The following TOX variants were observed in gnomAD, a reference collection of about 807,000 sequenced individuals.
The protein encoded by TOX is thymocyte selection associated high mobility group box.
TOX carries 11 observed loss-of-function variants against 53.7 expected under a neutral mutation model. That is an observed-to-expected ratio of 0.20 (90% CI 0.13 to 0.34). TOX has a LOEUF of 0.34. Ranked by LOEUF, TOX falls within the 10% of genes least tolerant of loss-of-function variation. The pLI is 1.00. For missense variants in TOX, 570 were observed against 664.6 expected, an observed-to-expected ratio of 0.86 and a Z score of 1.56; for synonymous variants, 225 against 245.3, an observed-to-expected ratio of 0.92 and a Z score of 0.77.
intron 1 of TOX, among the ~76,000 whole-genome samples, chr8:58,974,438 G>A (rs1028589692): frequency 1.3e-4 from 20 of 152,118 alleles, no homozygotes; most frequent in African/African-American, 7.2e-5. Context: ...TTCTAAATCC[G>A]GCAATAAGTC....
intron 1 of TOX, among the ~76,000 whole-genome samples, chr8:59,041,695 T>C (rs1269383436): frequency 6.6e-6 from 1 of 152,210 alleles, no homozygotes; most frequent in African/African-American, 2.4e-5. Context: ...TCAGAATATC[T>C]GACATATGGT....
In TOX at chr8:58,807,660, A is replaced by G; in HGVS notation, c.*87T>C. On this transcript the variant is annotated 3_prime_UTR_variant, in exon 9 of 9. Transcript: ENST00000361421. Reference sequence around the variant, plus strand: ...TTAGCAACTTGTATTTTCTAATAAAATGGAGAACTGCCTTGACTGTACAAA... The same window carrying G: ...TTAGCAACTTGTATTTTCTAATAAAGTGGAGAACTGCCTTGACTGTACAAA... The G allele has an allele frequency of 6.6e-7, 1 of 1,505,048 alleles. No individual in the cohort carries two copies. The highest frequency in any genetic ancestry group is 9.2e-7 in the Non-Finnish European group (1 of 1,087,898). The allele number at this position is 1,505,048 out of a possible 1,614,324, so 93.2% of individuals were successfully genotyped here.
rs560478337 is a variant in TOX at position 58,851,158 on chromosome 8, G to GTCTCTCTCTCTCTCTCTCTCTC, written c.693+344_693+365dup. ...CACCATACATCTCCTCTCTCTCTCT[G>GTCTCTCTCTCTCTCTCTCTCTC]TCTCTCTCTCTCTCTCTCTCTCTCT... is the stretch of plus-strand genomic sequence containing the variant. On this transcript the variant is annotated intron_variant, in intron 4 of 8. Transcript: ENST00000361421. The surrounding 1 kb of genome is among the most constrained non-coding windows in gnomAD (Gnocchi z 4.4). Among the ~76,000 whole-genome samples, 1 of 118,214 alleles carries GTCTCTCTCTCTCTCTCTCTCTC rather than the reference G, an allele frequency of 8.5e-6. No homozygotes were observed. Among genetic ancestry groups the GTCTCTCTCTCTCTCTCTCTCTC allele is most frequent in the South Asian group, 2.9e-4 (1 of 3,480 alleles). 77.6% of individuals were successfully genotyped at this position (118,214 alleles called of 152,430 possible).
intron 1 of TOX, among the ~76,000 whole-genome samples, chr8:59,058,519 C>T (rs915352503): frequency 6.6e-6 from 1 of 152,160 alleles, no homozygotes; most frequent in African/African-American, 2.4e-5. Flanking sequence ...CTGTCTTTTT[C>T]TCTTTGGAGA....
intron 2 of TOX, among the ~76,000 whole-genome samples, chr8:58,946,411 C>T (rs1812522570): frequency 6.6e-6 from 1 of 152,092 alleles, no homozygotes; most frequent in South Asian, 2.1e-4. Context: ...AAGTATTTTT[C>T]AGATTCTTTT....
At chr8:58,890,832 G>T (rs763411281) in intron 3 of TOX, among the ~76,000 whole-genome samples, 3 of 152,112 alleles carry the variant, frequency 2.0e-5, no homozygotes, top group Admixed American at 6.5e-5. Context: ...CCTAAATAGG[G>T]TGATGGAAAC....
intron 3 of TOX, among the ~76,000 whole-genome samples, chr8:58,935,365 A>G (rs1377443691): frequency 6.6e-6 from 1 of 152,198 alleles, no homozygotes; most frequent in Non-Finnish European, 1.5e-5. Context: ...TAATACAAAG[A>G]TACAATCACA....
intron 3 of TOX, among the ~76,000 whole-genome samples, chr8:58,926,475 A>C (rs1812162022): frequency 6.6e-6 from 1 of 152,124 alleles, no homozygotes; most frequent in African/African-American, 2.4e-5. Flanking sequence ...ACTCTATGTT[A>C]ATTTCTTTGG....
chr8:58,817,220 CCT>C (rs1163695178), intron 6 of TOX, among the ~76,000 whole-genome samples: 6 of 152,006 alleles, frequency 3.9e-5, no homozygotes, highest in Non-Finnish European at 8.8e-5. Flanking sequence ...GACATTTTCC[CCT>C]GTGTCACACT....
intron 3 of TOX, among the ~76,000 whole-genome samples, chr8:58,889,311 T>G (rs1322692564): frequency 2.0e-5 from 3 of 148,002 alleles, no homozygotes; most frequent in African/African-American, 7.5e-5. Context: ...AATGGAACAC[T>G]AGGCAATGAT....
chr8:58,980,680 C>T lies in TOX; in HGVS notation c.103-20672G>A, dbSNP rs118023309. ...GAAAAAAACCAAGGCAATGTGGTCCCTGCCCTCTAAGGTCTTAGAACTGCT... is the reference window on the plus strand; with the variant it reads ...GAAAAAAACCAAGGCAATGTGGTCCTTGCCCTCTAAGGTCTTAGAACTGCT... On this transcript the variant is annotated intron_variant, in intron 1 of 8. Transcript: ENST00000361421. Among the ~76,000 whole-genome samples, 678 of 152,346 alleles carry T rather than the reference C, an allele frequency of 4.5e-3. 11 individuals carry two copies. Among genetic ancestry groups the T allele is most frequent in the Admixed American group, 0.023 (356 of 15,298 alleles).
intron 1 of TOX, among the ~76,000 whole-genome samples, chr8:59,082,793 C>T (rs1438448250): frequency 6.6e-6 from 1 of 152,076 alleles, no homozygotes; most frequent in African/African-American, 2.4e-5. Flanking sequence ...TTTAATATAT[C>T]CTCATTTGCG....
Position 58,939,533 on chromosome 8 carries a change from A to G in TOX, c.180T>C (p.Gly60=). 6.2e-7 allele frequency: 1 copy of G among 1,613,800 alleles called. No homozygotes were observed. Among genetic ancestry groups the G allele is most frequent in the Non-Finnish European group, 8.5e-7 (1 of 1,179,794 alleles). ...DYVPASQSYP[G]PSLESEDFNI... is the part of the protein sequence containing the mutation. ...TGAAGTCTTCACTTTCCAGGCTTGG[A>G]CCAGGGTAGGACTGTGAAAAGACAA... The change falls in exon 3 of 9, where the codon GGT becomes GGC. Residue 60 remains glycine, a synonymous_variant. Coordinates refer to ENST00000361421, the MANE Select transcript of TOX (RefSeq NM_014729.3).
intron 5 of TOX, among the ~76,000 whole-genome samples, chr8:58,833,753 C>T (rs911718812): frequency 1.3e-5 from 2 of 152,172 alleles, no homozygotes; most frequent in African/African-American, 4.8e-5. Context: ...TTAAAACCCC[C>T]GGTTGGAATC....
intron 5 of TOX, among the ~76,000 whole-genome samples, chr8:58,835,620 A>G (rs544549603): frequency 6.6e-6 from 1 of 152,354 alleles, no homozygotes; most frequent in Admixed American, 6.5e-5. Context: ...GATTTTCATC[A>G]TAAGAACATT....
chr8:58,976,187 G>T (rs1487459245), intron 1 of TOX, among the ~76,000 whole-genome samples: 1 of 152,186 alleles, frequency 6.6e-6, no homozygotes, highest in Non-Finnish European at 1.5e-5. Flanking sequence ...TGTCAAAATT[G>T]GAGTCAATTA....
In TOX at chr8:58,851,609, T is replaced by C. The variant is rs771948313; in HGVS notation, c.608A>G (p.Asn203Ser). The change falls in exon 4 of 9, where the codon AAC becomes AGC. Residue 203 changes from asparagine to serine, a missense_variant. Asn to Ser is a conservative substitution (Grantham distance 46). Around this residue, in one of 3 missense-constraint regions of TOX, gnomAD observed 282 missense variants for 315.0 expected, o/e 0.90. Transcript: ENST00000361421. This position sits in a 1 kb window ranked among gnomAD's most constrained non-coding sequence, Gnocchi z 4.4. ...LNMGGSNVPH[N>S]SPSPPGSKSA... ...CTTGCTTCCAGGTGGAGATGGTGAGTTGTGGGGAACATTGCTTCCTCCCAT... is the reference window on the plus strand; with the variant it reads ...CTTGCTTCCAGGTGGAGATGGTGAGCTGTGGGGAACATTGCTTCCTCCCAT... 23 of 1,613,424 alleles carry C rather than the reference T, an allele frequency of 1.4e-5. No individual in the cohort carries two copies. The highest frequency in any genetic ancestry group is 5.0e-5 in the Admixed American group (3 of 59,908).
chr8:58,815,849 T>TAACATACCCACCAAGTATGAGAC, intron 6 of TOX, 125 bp from the exon 7 acceptor site: 1 of 1,032,618 alleles, frequency 9.7e-7, no homozygotes, highest in African/African-American at 1.6e-5. Flanking sequence ...TCCCGGACTC[T>TAACATACCCACCAAGTATGAGAC]CTGATCTAAG....
intron 1 of TOX, among the ~76,000 whole-genome samples, chr8:59,028,723 C>A (rs1382152066): frequency 6.6e-6 from 1 of 152,068 alleles, no homozygotes; most frequent in Non-Finnish European, 1.5e-5. Flanking sequence ...AAGAACTTTT[C>A]TTTTTCCCAC....
Sources: allele counts gnomAD v4.1 joint callset (sites outside exome capture counted in the v4.1 genomes callset), GRCh38; gene constraint gnomAD v4.1.1; regional missense constraint gnomAD v4.1.1; non-coding constraint Gnocchi (gnomAD v3.1); transcripts MANE v1.5; gene names NCBI Gene and HGNC (gene_info 2026-07-23, HGNC 2026-07-21).